CDH18: variants seen among roughly 807,000 people sequenced by gnomAD.
CDH18 encodes cadherin-18.
In CDH18, 31 loss-of-function variants were observed where a neutral mutation model predicts 67.9. The ratio of observed to expected loss-of-function variants is 0.46; its 90% CI spans 0.34 to 0.62. The LOEUF (loss-of-function observed/expected upper bound fraction) is 0.62, where lower values mean the gene tolerates loss of function less well. Among genes scored for constraint, CDH18 ranks in the 20% least tolerant of loss-of-function variants. CDH18 has a pLI of 0.01. For missense variants in CDH18, 890 were observed against 975.5 expected, an observed-to-expected ratio of 0.91 and a Z score of 1.17; for synonymous variants, 362 against 347.2, an observed-to-expected ratio of 1.04 and a Z score of -0.48.
At chr5:20,120,838 A>C (rs1480572129) in intron 2 of CDH18, among the ~76,000 whole-genome samples, 1 of 152,170 alleles carries the variant, frequency 6.6e-6, no homozygotes, top group Non-Finnish European at 1.5e-5. Context: ...TTTCCCTTGG[A>C]TTTCAACATT....
At chr5:19,923,696 C>A (rs1457852158) in intron 2 of CDH18, among the ~76,000 whole-genome samples, 1 of 152,132 alleles carries the variant, frequency 6.6e-6, no homozygotes. Context: ...AACAACTGAG[C>A]TAAATAATAT....
At chr5:20,038,134 C>G (rs1252970572) in intron 2 of CDH18, among the ~76,000 whole-genome samples, 1 of 152,086 alleles carries the variant, frequency 6.6e-6, no homozygotes, top group African/African-American at 2.4e-5. Context: ...AATAAACCCT[C>G]CCAAGACTAA....
chr5:19,834,921 T>C (rs1324569211), intron 3 of CDH18, among the ~76,000 whole-genome samples: 1 of 152,110 alleles, frequency 6.6e-6, no homozygotes, highest in Non-Finnish European at 1.5e-5. Context: ...ACACTGTCGA[T>C]GGGAATGTAA....
chr5:19,931,915 C>T (rs995459626), intron 2 of CDH18, among the ~76,000 whole-genome samples: 63 of 151,572 alleles, frequency 4.2e-4, no homozygotes, highest in African/African-American at 1.4e-3. Flanking sequence ...GTTTCATTTT[C>T]CCCTTTTCCT....
chr5:19,753,069 C>A (rs913150700), intron 3 of CDH18, among the ~76,000 whole-genome samples: 14 of 152,048 alleles, frequency 9.2e-5, no homozygotes, highest in African/African-American at 3.4e-4. Context: ...CATAACCTAC[C>A]CAAATGAGAA....
In CDH18 at chr5:20,508,632, T is replaced by C. The variant is rs1399955164; in HGVS notation, c.-580+66830A>G. Among the ~76,000 whole-genome samples the C allele has an allele frequency of 1.6e-4, 24 of 151,884 alleles. 1 individual carries two copies. The highest frequency in any genetic ancestry group is 1.6e-3 in the Admixed American group (24 of 15,236). The stretch of plus-strand genomic sequence containing the variant: ...AGGTAAAGAAATAAGTTGATTAACA[T>C]GATCCTGTGTGTGGCAAGAATATAG... On this transcript the variant is annotated intron_variant, in intron 1 of 14. Transcript: ENST00000507958.
intron 1 of CDH18, among the ~76,000 whole-genome samples, chr5:20,569,217 T>C (rs1227944954): frequency 6.6e-6 from 1 of 152,102 alleles, no homozygotes; most frequent in Non-Finnish European, 1.5e-5. Context: ...CTCCATTTTA[T>C]ATGAAAAGAA....
chr5:20,115,531 C>G (rs11959986), intron 2 of CDH18, among the ~76,000 whole-genome samples: 15,432 of 151,726 alleles, frequency 0.1, 1,075 homozygotes, highest in African/African-American at 0.2. Context: ...CCCGCCTCAG[C>G]CTCTTAAAGT....
intron 3 of CDH18, among the ~76,000 whole-genome samples, chr5:19,838,375 A>T (rs530338893): frequency 1.3e-5 from 2 of 152,292 alleles, no homozygotes; most frequent in East Asian, 3.9e-4. Context: ...ATGTGAAAAT[A>T]GCAGTAAATG....
intron 12 of CDH18, 21 bp from the exon 13 acceptor site, chr5:19,473,737 G>T: frequency 1.3e-6 from 2 of 1,550,854 alleles, no homozygotes; most frequent in South Asian, 1.2e-5. Flanking sequence ...ATGGAAAAAG[G>T]ATGAAGAATT....
At chr5:19,878,660 G>GGTTT (rs1327635325) in intron 2 of CDH18, among the ~76,000 whole-genome samples, 1 of 151,764 alleles carries the variant, frequency 6.6e-6, no homozygotes. Context: ...GTATCACAGA[G>GGTTT]GTTTATCTTA....
chr5:20,229,927 T>C (rs1741932030), intron 2 of CDH18, among the ~76,000 whole-genome samples: 1 of 152,166 alleles, frequency 6.6e-6, no homozygotes, highest in Admixed American at 6.5e-5. Flanking sequence ...ATCTAGCACA[T>C]TGAGACATAT....
At chr5:19,870,865 T>C (rs933701967) in intron 2 of CDH18, among the ~76,000 whole-genome samples, 1 of 152,184 alleles carries the variant, frequency 6.6e-6, no homozygotes, top group Non-Finnish European at 1.5e-5. Flanking sequence ...GGCCACCAGT[T>C]TGTGGCCTTC....
intron 1 of CDH18, among the ~76,000 whole-genome samples, chr5:20,319,459 T>A (rs1737788141): frequency 6.6e-6 from 1 of 152,204 alleles, no homozygotes; most frequent in South Asian, 2.1e-4. Flanking sequence ...TCGTTGCTTC[T>A]CTTATAAAAC....
At chr5:20,060,338 G>A (rs1439292024) in intron 2 of CDH18, among the ~76,000 whole-genome samples, 2 of 151,932 alleles carry the variant, frequency 1.3e-5, no homozygotes, top group African/African-American at 2.4e-5. Flanking sequence ...GGTAGGGCAT[G>A]TGTGTATACC....
intron 11 of CDH18, among the ~76,000 whole-genome samples, chr5:19,492,042 A>G (rs1366248889): frequency 6.6e-6 from 1 of 152,166 alleles, no homozygotes; most frequent in Non-Finnish European, 1.5e-5. Context: ...CGATGTGAGT[A>G]GTAGATATTC....
At chr5:19,624,916 G>A (rs1751284389) in intron 5 of CDH18, among the ~76,000 whole-genome samples, 1 of 152,060 alleles carries the variant, frequency 6.6e-6, no homozygotes, top group Non-Finnish European at 1.5e-5. Flanking sequence ...TATCCTGAGA[G>A]CTGTAAACAG....
At chr5:19,663,028 C>G (rs1436748200) in intron 5 of CDH18, among the ~76,000 whole-genome samples, 7 of 151,970 alleles carry the variant, frequency 4.6e-5, no homozygotes, top group Non-Finnish European at 8.8e-5. Context: ...TCACATTAAA[C>G]TCTGAGAAAC....
chr5:19,915,511 C>T (rs1488777806), intron 2 of CDH18, among the ~76,000 whole-genome samples: 1 of 152,042 alleles, frequency 6.6e-6, no homozygotes, highest in Non-Finnish European at 1.5e-5. Flanking sequence ...CTACTGTTGA[C>T]TGGAAGCCTT....
Sources: gnomAD v4.1 joint callset for allele counts (sites outside exome capture counted in the v4.1 genomes callset) on GRCh38, gnomAD v4.1.1 for gene constraint, MANE v1.5 for transcripts, NCBI Gene and HGNC (gene_info 2026-07-23, HGNC 2026-07-21) for gene names.